The following LSS variants were observed in gnomAD, a reference collection of about 807,000 sequenced individuals.
LSS encodes the protein 2,3-epoxysqualene-lanosterol cyclase.
In LSS, 90 loss-of-function variants were observed where a neutral mutation model predicts 110.3. That is an observed-to-expected ratio of 0.82 (90% CI 0.69 to 0.97). The LOEUF (loss-of-function observed/expected upper bound fraction) is 0.97. Among genes scored for constraint, LSS ranks in the 50% least tolerant of loss-of-function variants. The pLI is 0.00. For missense variants in LSS, 927 were observed against 990.0 expected, an observed-to-expected ratio of 0.94 and a Z score of 0.85; for synonymous variants, 433 against 400.0, an observed-to-expected ratio of 1.08 and a Z score of -0.98.
In LSS at chr21:46,194,483, G is replaced by C; in HGVS notation, c.1988+8C>G. Reference sequence around the variant, plus strand: ...CCCAAGGCTCAGGGACGGTCCCGTCGTCCCCACCGAACGGCCATCAGCCCC... The same window carrying C: ...CCCAAGGCTCAGGGACGGTCCCGTCCTCCCCACCGAACGGCCATCAGCCCC... On this transcript the variant is annotated splice_region_variant and intron_variant, in intron 20 of 21. Coordinates refer to ENST00000397728, the MANE Select transcript of LSS (RefSeq NM_002340.6). The C allele has an allele frequency of 6.2e-7, 1 of 1,612,986 alleles. No homozygotes were observed. The highest frequency in any genetic ancestry group is 8.5e-7 in the Non-Finnish European group (1 of 1,179,972).
intron 3 of LSS, among the ~76,000 whole-genome samples, chr21:46,226,446 C>T (rs188064873): frequency 9.6e-4 from 146 of 152,336 alleles, no homozygotes; most frequent in African/African-American, 3.3e-3. Context: ...ACCTTGACTT[C>T]CCCTAAGGAC....
Position 46,209,545 on chromosome 21 carries a change from C to T in LSS, c.1266+9G>A, listed in dbSNP as rs576185816. ...TCAGCCCCCTCAGAGCCCCAGGCACCGGCCTCACCTGTGAGAGCCTCAGGA... is the reference window on the plus strand; with the variant it reads ...TCAGCCCCCTCAGAGCCCCAGGCACTGGCCTCACCTGTGAGAGCCTCAGGA... On this transcript the variant is annotated intron_variant, in intron 13 of 21. Coordinates refer to ENST00000397728, the MANE Select transcript of LSS (RefSeq NM_002340.6). The surrounding 1 kb of genome is among the most constrained non-coding windows in gnomAD (Gnocchi z 4.4). 9.4e-6 allele frequency: 15 copies of T among 1,599,642 alleles called. No homozygotes were observed. Among genetic ancestry groups the T allele is most frequent in the African/African-American group, 2.7e-5 (2 of 74,776 alleles).
In LSS at chr21:46,209,705, G is replaced by A. The variant is rs1399046897; in HGVS notation, c.1195-80C>T. On this transcript the variant is annotated intron_variant, in intron 12 of 21. Coordinates refer to ENST00000397728, the MANE Select transcript of LSS (RefSeq NM_002340.6). The surrounding 1 kb of genome is among the most constrained non-coding windows in gnomAD (Gnocchi z 4.4). ...CTGCGCTGGTTTCCCGATGGTCCTG[G>A]CCACATCCTGCCCCAACCGGGGACC... 9.0e-6 allele frequency: 11 copies of A among 1,221,166 alleles called. No homozygotes were observed. Among genetic ancestry groups the A allele is most frequent in the Non-Finnish European group, 1.1e-5 (9 of 849,094 alleles). The allele number at this position is 1,221,166 out of a possible 1,614,324, so 75.6% of individuals were successfully genotyped here. A position where few individuals can be genotyped will look rare whatever the true frequency, so the allele number is the denominator to read the frequency against.
intron 3 of LSS, 120 bp downstream of exon 3, chr21:46,227,432 C>T (rs2080354894): frequency 2.3e-6 from 3 of 1,317,936 alleles, no homozygotes; most frequent in Non-Finnish European, 2.1e-6. Context: ...TTTGCCAGCC[C>T]TTTTCTTGTG....
intron 21 of LSS, 47 bp from the exon 22 acceptor site, chr21:46,191,282 G>A (rs761908272): frequency 3.3e-5 from 53 of 1,609,700 alleles, no homozygotes; most frequent in Admixed American, 8.3e-5. Context: ...CCAGTCAGCT[G>A]AGGGCTAGTC....
At chr21:46,204,792 A>G (rs1007515407) in intron 17 of LSS, among the ~76,000 whole-genome samples, 4 of 152,152 alleles carry the variant, frequency 2.6e-5, no homozygotes. Flanking sequence ...TTTTAAAAGC[A>G]TTTTCCAACT....
chr21:46,215,701 CA>C lies in LSS; in HGVS notation c.875del (p.Leu292ArgfsTer85). On this transcript the variant is annotated frameshift_variant, in exon 8 of 22. Transcript: ENST00000397728. ...PDELYTPHSW[L>X]LRVVYALLNL... ...GGCGCTCACCATATACCACGCGGAG[CA>C]GCCAGCTGTGCGGCGTGTACAGCTC... 6.2e-7 allele frequency: 1 copy of C among 1,611,528 alleles called. No individual in the cohort carries two copies. Among genetic ancestry groups the C allele is most frequent in the Non-Finnish European group, 8.5e-7 (1 of 1,178,670 alleles).
At position 46,191,947 on chromosome 21, in the gene LSS, G is replaced by A. The variant is rs750802193; in HGVS notation, c.2001C>T (p.Ile667=). The part of the protein sequence containing the change: ...MGLMAVRHPD[I]EAQERGVRCL... ...ACCGGACTCCTCTCTCCTGGGCCTC[G>A]ATGTCAGGATGCCTGGTGGAAGAGA... The change falls in exon 21 of 22, where the codon ATC becomes ATT. Residue 667 remains isoleucine, a synonymous_variant. Transcript: ENST00000397728. 14 of 1,612,988 alleles carry A rather than the reference G, an allele frequency of 8.7e-6. No individual in the cohort carries two copies. The highest frequency in any genetic ancestry group is 1.6e-4 in the Middle Eastern group (1 of 6,082).
In LSS at chr21:46,228,586, G is replaced by T; in HGVS notation, c.28C>A (p.Arg10=). The T allele has an allele frequency of 6.3e-7, 1 of 1,591,726 alleles. No individual in the cohort carries two copies. The highest frequency in any genetic ancestry group is 8.5e-7 in the Non-Finnish European group (1 of 1,175,838). Residue 10 remains arginine, a synonymous_variant, in exon 2 of 22, where the codon CGA becomes AGA. Coordinates refer to ENST00000397728, the MANE Select transcript of LSS (RefSeq NM_002340.6). MTEGTCLRR[R]GGPYKTEPAT... ...GGCTCGGTCTTGTAGGGGCCCCCTC[G>T]GCGCCGCAGACACCTGAGGACCACC... is the stretch of plus-strand genomic sequence containing the variant.
intron 5 of LSS, chr21:46,220,548 C>G (rs926616545): frequency 6.5e-6 from 1 of 153,142 alleles, no homozygotes; most frequent in Non-Finnish European, 1.5e-5. Flanking sequence ...GAGGAGCTGA[C>G]AGGAGGCCCC....
intron 2 of LSS, 38 bp downstream of exon 2, chr21:46,228,396 G>A (rs1373250018): frequency 6.3e-7 from 1 of 1,595,604 alleles, no homozygotes; most frequent in East Asian, 2.2e-5. Flanking sequence ...CACCCCTCAG[G>A]GTCCCGAGCT....
chr21:46,215,494 G>C (rs1390065196), intron 8 of LSS, among the ~76,000 whole-genome samples, 191 bp downstream of exon 8: 1 of 149,512 alleles, frequency 6.7e-6, no homozygotes, highest in African/African-American at 2.5e-5. Context: ...CCTTGCACAG[G>C]GTGGACTCCT....
At chr21:46,197,562 T>G (rs757984831) in intron 17 of LSS, among the ~76,000 whole-genome samples, 28 of 152,178 alleles carry the variant, frequency 1.8e-4, no homozygotes, top group Non-Finnish European at 2.9e-4. Flanking sequence ...TCAGGCTCAC[T>G]CATGAACACA....
At chr21:46,227,718 GAGAT>G (rs768227718) in intron 2 of LSS, 28 bp from the exon 3 acceptor site, 37 of 1,593,944 alleles carry the variant, frequency 2.3e-5, no homozygotes, top group Admixed American at 5.0e-5. Flanking sequence ...AAAAAAAAAA[GAGAT>G]AGCTGACGGG....
Position 46,228,769 on chromosome 21 carries a change from C to T in LSS, c.-24G>A, listed in dbSNP as rs1022994255. The T allele has an allele frequency of 3.2e-6, 5 of 1,575,790 alleles. No individual in the cohort carries two copies. The African/African-American group carries it at 4.1e-5, about 13-fold the overall frequency. ...ATTGCTGCTGCAGTGCTCTACGCCG[C>T]CCACTGCCAGCTGCCAGATGTCCGC... is the stretch of plus-strand genomic sequence containing the variant. On this transcript the variant is annotated 5_prime_UTR_variant, in exon 1 of 22. Transcript: ENST00000397728.
chr21:46,210,600 G>T, intron 12 of LSS, 88 bp downstream of exon 12: 10 of 1,287,464 alleles, frequency 7.8e-6, no homozygotes, highest in Non-Finnish European at 1.1e-5. Flanking sequence ...GCAAGTGTGT[G>T]GCCAGCAGTG....
chr21:46,193,938 A>G (rs1445756736), intron 20 of LSS, among the ~76,000 whole-genome samples: 3 of 149,192 alleles, frequency 2.0e-5, no homozygotes, highest in Non-Finnish European at 3.0e-5. Context: ...GTGCATCTGT[A>G]TGTGTGTGGA....
intron 20 of LSS, chr21:46,193,853 G>A (rs1466060897): frequency 1.6e-5 from 7 of 428,964 alleles, no homozygotes; most frequent in East Asian, 8.3e-5. Flanking sequence ...GCATGCATAC[G>A]TGTGTGCACA....
chr21:46,192,419 C>T, intron 20 of LSS: 3 of 435,722 alleles, frequency 6.9e-6, no homozygotes, highest in South Asian at 1.7e-5. Flanking sequence ...TGCTCCTGCT[C>T]AAGCAGACCT....
Sources: gnomAD v4.1 joint callset for allele counts (sites outside exome capture counted in the v4.1 genomes callset) on GRCh38, gnomAD v4.1.1 for gene constraint, Gnocchi (gnomAD v3.1) non-coding constraint, MANE v1.5 for transcripts, NCBI Gene and HGNC (gene_info 2026-07-23, HGNC 2026-07-21) for gene names.